The following CDK6 variants were observed in gnomAD, a reference collection of about 807,000 sequenced individuals.
CDK6 encodes cyclin dependent kinase 6.
CDK6 carries 6 observed loss-of-function variants against 37.1 expected under a neutral mutation model. The observed-to-expected ratio is 0.16, with a 90% CI of 0.09 to 0.32. The LOEUF (loss-of-function observed/expected upper bound fraction) is 0.32, where lower values mean the gene tolerates loss of function less well. CDK6 is among the 10% of genes least tolerant of loss of function. The pLI, the probability that CDK6 is intolerant of heterozygous loss-of-function variation, is 1.00. For synonymous variants in CDK6, 160 were observed against 161.3 expected, an observed-to-expected ratio of 0.99 and a Z score of 0.06; for missense variants, 224 against 418.9, an observed-to-expected ratio of 0.53 and a Z score of 4.06.
chr7:92,716,094 G>A (rs1296118162), intron 4 of CDK6, among the ~76,000 whole-genome samples: 2 of 152,194 alleles, frequency 1.3e-5, no homozygotes, highest in Admixed American at 6.5e-5. Context: ...AGGCAATTGG[G>A]AAGATTAGTT....
At chr7:92,731,431 C>CA (rs1208895085) in intron 3 of CDK6, among the ~76,000 whole-genome samples, 3 of 152,194 alleles carry the variant, frequency 2.0e-5, no homozygotes, top group Admixed American at 1.3e-4. Context: ...AAAAGAGTCA[C>CA]ACATGAGCTT....
intron 5 of CDK6, among the ~76,000 whole-genome samples, chr7:92,644,682 A>G (rs1198770685): frequency 6.6e-6 from 1 of 152,224 alleles, no homozygotes; most frequent in East Asian, 1.9e-4. Flanking sequence ...ACCCTGAAAA[A>G]GAGGAAGGAA....
intron 2 of CDK6, among the ~76,000 whole-genome samples, chr7:92,810,430 C>T (rs919734344): frequency 2.0e-5 from 3 of 152,166 alleles, no homozygotes; most frequent in Non-Finnish European, 2.9e-5. Context: ...AGACAGTTGA[C>T]CTTGAGCAAG....
chr7:92,811,583 A>C (rs1273935315), intron 2 of CDK6, among the ~76,000 whole-genome samples: 6 of 151,838 alleles, frequency 4.0e-5, no homozygotes, highest in Non-Finnish European at 8.8e-5. Context: ...AATAGCAACC[A>C]TTTGTTGAAC....
At chr7:92,623,857 T>C (rs1795863905) in intron 5 of CDK6, among the ~76,000 whole-genome samples, 1 of 152,206 alleles carries the variant, frequency 6.6e-6, no homozygotes, top group Non-Finnish European at 1.5e-5. Flanking sequence ...AAACATTTTA[T>C]TTCATTTTGC....
chr7:92,833,912 G>T lies in CDK6; in HGVS notation c.-367-222C>A, dbSNP rs535391237. The T allele has an allele frequency of 2.5e-6, 1 of 398,954 alleles. No homozygotes were observed. The highest frequency in any genetic ancestry group is 4.4e-6 in the Non-Finnish European group (1 of 226,368). 24.7% of individuals were successfully genotyped at this position (398,954 alleles called of 1,614,324 possible). On this transcript the variant is annotated intron_variant, in intron 1 of 7. Coordinates refer to ENST00000424848, the MANE Select transcript of CDK6 (RefSeq NM_001145306.2). The surrounding 1 kb of genome is among the most constrained non-coding windows in gnomAD (Gnocchi z 6.1). ...AGGGCTGAAGCCGTCTTCGCGCGGA[G>T]AGGTTGCAGGGGCCCCTCGGGGATG... is the stretch of plus-strand genomic sequence containing the variant.
At chr7:92,764,052 T>TA (rs530581589) in intron 3 of CDK6, among the ~76,000 whole-genome samples, 286 of 148,788 alleles carry the variant, frequency 1.9e-3, no homozygotes, top group Middle Eastern at 3.5e-3. Flanking sequence ...CTGTTGGGTT[T>TA]AAAAAAAAAA....
rs184459257 is a variant in CDK6 at position 92,761,209 on chromosome 7, C to T, written c.369+13487G>A. ...TCCTTTGCGATATTTTCTACTGTTTCGCACTTAGAAAACTCTACTACCAGA... is the reference window on the plus strand; with the variant it reads ...TCCTTTGCGATATTTTCTACTGTTTTGCACTTAGAAAACTCTACTACCAGA... On this transcript the variant is annotated intron_variant, in intron 3 of 7. Transcript: ENST00000424848. 4.0e-3 allele frequency among the ~76,000 whole-genome samples: 613 copies of T among 152,048 alleles called. 2 individuals are homozygous for T. Among genetic ancestry groups the T allele is most frequent in the South Asian group, 6.4e-3 (31 of 4,816 alleles).
intron 5 of CDK6, among the ~76,000 whole-genome samples, chr7:92,653,387 A>C (rs957781873): frequency 2.0e-5 from 3 of 152,212 alleles, no homozygotes; most frequent in Non-Finnish European, 4.4e-5. Flanking sequence ...TCTTTATCTG[A>C]GTATCCTGCA....
intron 2 of CDK6, among the ~76,000 whole-genome samples, chr7:92,800,889 GC>G: frequency 6.6e-6 from 1 of 152,284 alleles, no homozygotes; most frequent in East Asian, 1.9e-4. Context: ...ATAGAAGCAA[GC>G]CTCATTTCTT....
intron 4 of CDK6, among the ~76,000 whole-genome samples, chr7:92,720,727 G>C (rs1767856045): frequency 6.6e-6 from 1 of 152,116 alleles, no homozygotes; most frequent in South Asian, 2.1e-4. Flanking sequence ...GAAATTGCTG[G>C]CTGAGTGGCT....
At chr7:92,649,183 A>C (rs994014583) in intron 5 of CDK6, among the ~76,000 whole-genome samples, 1 of 152,242 alleles carries the variant, frequency 6.6e-6, no homozygotes, top group Non-Finnish European at 1.5e-5. Flanking sequence ...CGTGTTTCCC[A>C]AATTTTTAGT....
At chr7:92,734,609 G>T (rs2115598812) in intron 3 of CDK6, among the ~76,000 whole-genome samples, 1 of 152,264 alleles carries the variant, frequency 6.6e-6, no homozygotes, top group Admixed American at 6.5e-5. Flanking sequence ...AGAAGTGAGG[G>T]CCCAAACAAA....
chr7:92,622,737 C>T (rs1795830949), intron 6 of CDK6, among the ~76,000 whole-genome samples: 1 of 151,968 alleles, frequency 6.6e-6, no homozygotes, highest in Non-Finnish European at 1.5e-5. Context: ...TTTGAAATGA[C>T]CACAAGCAGA....
intron 6 of CDK6, among the ~76,000 whole-genome samples, chr7:92,620,454 G>C (rs3731367): frequency 2.6e-5 from 4 of 152,118 alleles, no homozygotes; most frequent in Admixed American, 2.6e-4. Context: ...AGTCCAGAGT[G>C]AGTTCCGTTC....
chr7:92,749,163 C>T (rs1799129027), intron 3 of CDK6, among the ~76,000 whole-genome samples: 1 of 146,062 alleles, frequency 6.8e-6, no homozygotes, highest in Admixed American at 7.0e-5. Flanking sequence ...CACACCACTG[C>T]ACTACAGCCT....
chr7:92,817,691 T>C (rs979905612), intron 2 of CDK6, among the ~76,000 whole-genome samples: 10 of 151,706 alleles, frequency 6.6e-5, no homozygotes, highest in African/African-American at 2.4e-4. Context: ...CATATATATA[T>C]ATAGGGGGGA....
chr7:92,800,373 CTGTT>C (rs1800538600), intron 2 of CDK6, among the ~76,000 whole-genome samples: 1 of 152,180 alleles, frequency 6.6e-6, no homozygotes, highest in South Asian at 2.1e-4. Context: ...TACGATGTGT[CTGTT>C]TCTTTTCACA....
At chr7:92,704,054 A>T (rs1448896286) in intron 4 of CDK6, among the ~76,000 whole-genome samples, 1 of 152,066 alleles carries the variant, frequency 6.6e-6, no homozygotes, top group Non-Finnish European at 1.5e-5. Flanking sequence ...TGTGACTAGA[A>T]TGCTCTCCTG....
Sources: allele counts gnomAD v4.1 joint callset (sites outside exome capture counted in the v4.1 genomes callset), GRCh38; gene constraint gnomAD v4.1.1; non-coding constraint Gnocchi (gnomAD v3.1); transcripts MANE v1.5; gene names NCBI Gene and HGNC (gene_info 2026-07-23, HGNC 2026-07-21).